The following MYO18A variants were observed in gnomAD, a reference collection of about 807,000 sequenced individuals.
The protein encoded by MYO18A is myosin XVIIIA.
In MYO18A, 78 loss-of-function variants were observed where a neutral mutation model predicts 235.8. That is an observed-to-expected ratio of 0.33 (90% CI 0.28 to 0.40). MYO18A has a LOEUF of 0.40. MYO18A is among the 10% of genes least tolerant of loss of function. The probability of loss-of-function intolerance (pLI) is 1.00; values close to 1 mark genes in which losing one functional copy is unlikely to be tolerated. For synonymous variants in MYO18A, 977 were observed against 1,077.8 expected (o/e 0.91, Z 1.83); for missense variants, 2,215 against 2,699.3 (o/e 0.82, Z 3.98).
chr17:29,165,210 C>T (rs1292836988), intron 2 of MYO18A, among the ~76,000 whole-genome samples: 1 of 152,210 alleles, frequency 6.6e-6, no homozygotes, highest in Non-Finnish European at 1.5e-5. Context: ...CTATACATCT[C>T]AGATGTTCCA....
At chr17:29,175,919 C>T (rs1396515232) in intron 1 of MYO18A, among the ~76,000 whole-genome samples, 7 of 151,958 alleles carry the variant, frequency 4.6e-5, no homozygotes, top group African/African-American at 7.2e-5. Flanking sequence ...AGTAGCCGGG[C>T]GTGGTGGCGG....
intron 37 of MYO18A, among the ~76,000 whole-genome samples, chr17:29,088,908 C>T (rs1028866191): frequency 2.0e-5 from 3 of 151,978 alleles, no homozygotes; most frequent in Non-Finnish European, 4.4e-5. Context: ...CATGGTGGCA[C>T]ATGCCTGTGG....
intron 2 of MYO18A, chr17:29,137,177 G>A (rs2067623807): frequency 2.6e-5 from 4 of 152,202 alleles, no homozygotes; most frequent in Admixed American, 2.6e-4. Context: ...ATCTTGGGGA[G>A]CTGTTTGTGC....
At chr17:29,131,553 T>C in intron 2 of MYO18A, 1 of 387,762 alleles carries the variant, frequency 2.6e-6, no homozygotes. Context: ...GTGGAGCTCC[T>C]GAGTCTTTAG....
rs1049849 is a variant in MYO18A, at chr17:29,074,054, G to A, written c.*716C>T. On this transcript the variant is annotated 3_prime_UTR_variant, in exon 42 of 42. Coordinates refer to ENST00000527372, the MANE Select transcript of MYO18A (RefSeq NM_078471.4). This position sits in a 1 kb window ranked among gnomAD's most constrained non-coding sequence, Gnocchi z 4.4. ...GGATGGTCCACACACACACTTGTCT[G>A]CGTAGGCTTGCTCAACCCAGCCCAG... is the stretch of plus-strand genomic sequence containing the variant. 1.2e-6 allele frequency: 2 copies of A among 1,613,960 alleles called. No homozygotes were observed. Among genetic ancestry groups the A allele is most frequent in the South Asian group, 1.1e-5 (1 of 91,084 alleles).
intron 13 of MYO18A, 89 bp from the exon 14 acceptor site, chr17:29,115,188 G>C: frequency 6.8e-7 from 1 of 1,462,986 alleles, no homozygotes; most frequent in South Asian, 1.3e-5. Context: ...CTCTATCCCT[G>C]CCCAGGACCC....
chr17:29,098,456 C>T lies in MYO18A; in HGVS notation c.3781-11G>A, dbSNP rs1421357468. On this transcript the variant is annotated splice_polypyrimidine_tract_variant and intron_variant, in intron 23 of 41. Transcript: ENST00000527372. ...CTGCTGGATCTCCTCCTAGGGTGGA[C>T]CAAAGAGGGCAAAGTGAGCCAAAGG... The T allele has an allele frequency of 6.2e-7, 1 of 1,613,500 alleles. No individual in the cohort carries two copies.
intron 2 of MYO18A, among the ~76,000 whole-genome samples, chr17:29,137,932 A>C (rs148907842): frequency 1.8e-4 from 27 of 152,304 alleles, no homozygotes; most frequent in African/African-American, 6.3e-4. Context: ...TAGTCAAAAA[A>C]AAAGCAAAGG....
chr17:29,093,601 T>C (rs1294782786), intron 31 of MYO18A, among the ~76,000 whole-genome samples, 174 bp from the exon 32 acceptor site: 3 of 151,872 alleles, frequency 2.0e-5, no homozygotes, highest in Non-Finnish European at 4.4e-5. Flanking sequence ...CAAAGCAGCC[T>C]GGGAGGGTGA....
chr17:29,097,994 A>C, intron 25 of MYO18A, 95 bp from the exon 26 acceptor site: 1 of 1,573,146 alleles, frequency 6.4e-7, no homozygotes, highest in Non-Finnish European at 8.6e-7. Context: ...CCAAGGGCAG[A>C]CAGGGATGCT....
intron 1 of MYO18A, among the ~76,000 whole-genome samples, chr17:29,173,595 C>G (rs1465499576): frequency 1.3e-5 from 2 of 151,062 alleles, no homozygotes; most frequent in African/African-American, 4.9e-5. Context: ...CACCATGTTA[C>G]CCAGGATGGT....
chr17:29,174,844 C>T (rs2068487859), intron 1 of MYO18A, among the ~76,000 whole-genome samples: 1 of 151,904 alleles, frequency 6.6e-6, no homozygotes, highest in South Asian at 2.1e-4. Context: ...TACAACTGAG[C>T]AGTTGTATAA....
intron 1 of MYO18A, among the ~76,000 whole-genome samples, chr17:29,178,461 C>A (rs543155048): frequency 6.6e-6 from 1 of 151,232 alleles, no homozygotes; most frequent in South Asian, 2.1e-4. Context: ...ATAGCTGCCC[C>A]CAAAGCCATG....
chr17:29,167,306 A>G (rs1376691041), intron 1 of MYO18A, among the ~76,000 whole-genome samples: 1 of 152,236 alleles, frequency 6.6e-6, no homozygotes. Flanking sequence ...AAAGCCTGTC[A>G]TTTCCTTGAA....
intron 2 of MYO18A, among the ~76,000 whole-genome samples, chr17:29,143,713 T>C (rs965934066): frequency 1.3e-5 from 2 of 152,212 alleles, no homozygotes; most frequent in South Asian, 4.1e-4. Context: ...CCAACATATA[T>C]ACCCTGCTTC....
chr17:29,173,449 A>G (rs1484384878), intron 1 of MYO18A, among the ~76,000 whole-genome samples: 2 of 130,762 alleles, frequency 1.5e-5, no homozygotes, highest in African/African-American at 3.0e-5. Flanking sequence ...GTGCAGTGGC[A>G]CGATCTCTGC....
intron 2 of MYO18A, among the ~76,000 whole-genome samples, chr17:29,155,027 G>A (rs1366423080): frequency 6.6e-6 from 1 of 152,184 alleles, no homozygotes; most frequent in Non-Finnish European, 1.5e-5. Flanking sequence ...TTGGGGCCGG[G>A]CATGAAACTG....
chr17:29,121,155 T>A lies in MYO18A; in HGVS notation c.1428A>T (p.Ala476=). ...RREDMAPHIY[A]VAQTAYRAML... is the part of the protein sequence containing the mutation. Reference sequence around the variant, plus strand: ...TCGCCCTGTATGCGGTCTGGGCCACTGCATAGATGTGGGGTGCCATGTCCT... The same window carrying A: ...TCGCCCTGTATGCGGTCTGGGCCACAGCATAGATGTGGGGTGCCATGTCCT... The change falls in exon 6 of 42, where the codon GCA becomes GCT. Residue 476 remains alanine (A), a synonymous_variant. Transcript: ENST00000527372. This position sits in a 1 kb window ranked among gnomAD's most constrained non-coding sequence, Gnocchi z 4.2. The A allele has an allele frequency of 6.2e-7, 1 of 1,610,692 alleles. No individual in the cohort carries two copies. Among genetic ancestry groups the A allele is most frequent in the South Asian group, 1.1e-5 (1 of 90,196 alleles).
chr17:29,129,018 A>G, intron 2 of MYO18A: 1 of 1,285,714 alleles, frequency 7.8e-7, no homozygotes, highest in Non-Finnish European at 1.0e-6. Flanking sequence ...CTCCATTCCT[A>G]CCACCAATCC....
Sources: allele counts gnomAD v4.1 joint callset (sites outside exome capture counted in the v4.1 genomes callset), GRCh38; gene constraint gnomAD v4.1.1; non-coding constraint Gnocchi (gnomAD v3.1); transcripts MANE v1.5; gene names NCBI Gene and HGNC (gene_info 2026-07-23, HGNC 2026-07-21).